The following NRXN1 variants were observed in gnomAD, a reference collection of about 807,000 sequenced individuals.
NRXN1 encodes the protein neurexin-1.
In NRXN1, 39 loss-of-function variants were observed where a neutral mutation model predicts 150.9. The ratio of observed to expected loss-of-function variants is 0.26; its 90% CI spans 0.20 to 0.34. The LOEUF (loss-of-function observed/expected upper bound fraction) is 0.34. Among genes scored for constraint, NRXN1 ranks in the 10% least tolerant of loss-of-function variants. The pLI, the probability that NRXN1 is intolerant of heterozygous loss-of-function variation, is 1.00. For synonymous variants in NRXN1, 924 were observed against 757.0 expected, an observed-to-expected ratio of 1.22 and a Z score of -3.62; for missense variants, 1,815 against 1,949.9, an observed-to-expected ratio of 0.93 and a Z score of 1.30.
At chr2:51,006,132 T>C (rs972599190) in intron 2 of NRXN1, among the ~76,000 whole-genome samples, 4 of 151,914 alleles carry the variant, frequency 2.6e-5, no homozygotes, top group Non-Finnish European at 5.9e-5. Context: ...ACATTTCTTA[T>C]AAGAACCTGT....
rs1362612458 is a variant in NRXN1 at position 50,847,569 on chromosome 2, T to C, written c.832+74300A>G. 2.6e-5 allele frequency among the ~76,000 whole-genome samples: 4 copies of C among 152,120 alleles called. No individual in the cohort carries two copies. In the East Asian group the frequency reaches 7.7e-4, roughly 29 times the overall value. On this transcript the variant is annotated intron_variant, in intron 5 of 22. Transcript: ENST00000401669. The stretch of plus-strand genomic sequence containing the variant: ...AGAACAGGCATTTCCTGCCCAAATG[T>C]TGCATTTCCCAAGACTACCCTGGCC...
At chr2:50,399,411 G>A (rs2082251385) in intron 17 of NRXN1, among the ~76,000 whole-genome samples, 1 of 151,974 alleles carries the variant, frequency 6.6e-6, no homozygotes, top group African/African-American at 2.4e-5. Flanking sequence ...GAGTTCATGA[G>A]GAAGGATTTT....
intron 17 of NRXN1, among the ~76,000 whole-genome samples, chr2:50,295,235 C>G (rs968850248): frequency 6.6e-6 from 1 of 152,152 alleles, no homozygotes; most frequent in Non-Finnish European, 1.5e-5. Context: ...TGGGTCAGCA[C>G]TACAAAGAAC....
intron 18 of NRXN1, among the ~76,000 whole-genome samples, chr2:50,183,554 G>T (rs1451767603): frequency 2.0e-5 from 3 of 151,428 alleles, no homozygotes; most frequent in Non-Finnish European, 2.9e-5. Context: ...TTAAATGTGG[G>T]ATTTTGTTGT....
intron 22 of NRXN1, among the ~76,000 whole-genome samples, 162 bp downstream of exon 22, chr2:49,943,542 A>C (rs1024720321): frequency 1.3e-5 from 2 of 152,214 alleles, no homozygotes; most frequent in Non-Finnish European, 1.5e-5. Context: ...TTTTCAATAA[A>C]TGTGGAAAAA....
intron 8 of NRXN1, among the ~76,000 whole-genome samples, chr2:50,582,931 G>T (rs1672517987): frequency 6.6e-6 from 1 of 151,944 alleles, no homozygotes; most frequent in African/African-American, 2.4e-5. Flanking sequence ...GTACACTTGG[G>T]TTATTTCCCT....
At chr2:50,266,815 C>T (rs961004863) in intron 17 of NRXN1, among the ~76,000 whole-genome samples, 30 of 152,144 alleles carry the variant, frequency 2.0e-4, no homozygotes, top group African/African-American at 6.7e-4. Flanking sequence ...CAAAAAGATA[C>T]GTTTGGTATT....
At chr2:50,015,881 T>C (rs1640226938) in intron 21 of NRXN1, among the ~76,000 whole-genome samples, 1 of 152,196 alleles carries the variant, frequency 6.6e-6, no homozygotes, top group Non-Finnish European at 1.5e-5. Flanking sequence ...AAAACTATCT[T>C]GCAGGATTTT....
intron 5 of NRXN1, among the ~76,000 whole-genome samples, chr2:50,790,651 G>A (rs1432170195): frequency 2.0e-5 from 3 of 152,132 alleles, no homozygotes; most frequent in South Asian, 4.1e-4. Context: ...GTAAAATGCA[G>A]GTTGAGTATT....
intron 17 of NRXN1, among the ~76,000 whole-genome samples, chr2:50,380,338 ACT>A (rs2080865467): frequency 6.6e-6 from 1 of 151,676 alleles, no homozygotes; most frequent in South Asian, 2.1e-4. Flanking sequence ...ATCTATCTTA[ACT>A]CTGCTGATTA....
At chr2:50,277,031 A>G (rs1468919303) in intron 17 of NRXN1, among the ~76,000 whole-genome samples, 1 of 152,142 alleles carries the variant, frequency 6.6e-6, no homozygotes, top group Admixed American at 6.5e-5. Flanking sequence ...GGATAGCCTT[A>G]CCTTTTAATT....
intron 5 of NRXN1, among the ~76,000 whole-genome samples, chr2:50,742,276 T>TAC (rs1347575995): frequency 1.5e-3 from 235 of 151,796 alleles, no homozygotes; most frequent in African/African-American, 5.4e-3. Flanking sequence ...TATATATATA[T>TAC]ACTCTTTTTT....
intron 17 of NRXN1, among the ~76,000 whole-genome samples, chr2:50,299,700 A>G (rs2152953445): frequency 6.6e-6 from 1 of 152,322 alleles, no homozygotes; most frequent in Non-Finnish European, 1.5e-5. Flanking sequence ...AAAGGAAGAA[A>G]TGTAGTTAAT....
At chr2:50,375,072 T>A (rs2080383368) in intron 17 of NRXN1, among the ~76,000 whole-genome samples, 1 of 152,196 alleles carries the variant, frequency 6.6e-6, no homozygotes, top group Non-Finnish European at 1.5e-5. Flanking sequence ...TTTGTTTATA[T>A]CTTAGTGAAA....
intron 17 of NRXN1, among the ~76,000 whole-genome samples, chr2:50,256,255 T>C (rs956457377): frequency 1.3e-5 from 2 of 152,166 alleles, no homozygotes; most frequent in African/African-American, 4.8e-5. Flanking sequence ...GGAGAAATGA[T>C]GCTACTAGGT....
At chr2:50,440,732 C>A (rs1172407655) in intron 17 of NRXN1, among the ~76,000 whole-genome samples, 1 of 152,038 alleles carries the variant, frequency 6.6e-6, no homozygotes, top group African/African-American at 2.4e-5. Flanking sequence ...TCTTATATTT[C>A]CTCTAAGAGT....
chr2:50,280,822 T>C (rs1391723682), intron 17 of NRXN1, among the ~76,000 whole-genome samples: 2 of 152,148 alleles, frequency 1.3e-5, no homozygotes, highest in African/African-American at 4.8e-5. Flanking sequence ...ATATGATTAA[T>C]GAAAGGGAGG....
At chr2:50,981,537 T>A (rs1696813777) in intron 2 of NRXN1, among the ~76,000 whole-genome samples, 1 of 151,020 alleles carries the variant, frequency 6.6e-6, no homozygotes, top group Non-Finnish European at 1.5e-5. Flanking sequence ...GAAGATTGTC[T>A]CTTCAGCCAT....
chr2:50,028,964 A>T (rs765961070), intron 21 of NRXN1, among the ~76,000 whole-genome samples: 1 of 152,170 alleles, frequency 6.6e-6, no homozygotes, highest in Non-Finnish European at 1.5e-5. Context: ...TGGAGCTTGC[A>T]ATGCTGTTAG....
Sources: allele counts gnomAD v4.1 joint callset (sites outside exome capture counted in the v4.1 genomes callset), GRCh38; gene constraint gnomAD v4.1.1; transcripts MANE v1.5; gene names NCBI Gene and HGNC (gene_info 2026-07-23, HGNC 2026-07-21).